The following SPSB4 variants were observed in gnomAD, a reference collection of about 807,000 sequenced individuals.
The protein encoded by SPSB4 is SPRY domain-containing SOCS box protein 4.
A neutral mutation model predicts 20.9 loss-of-function variants in SPSB4; 21 were observed. The observed-to-expected ratio is 1.01, with a 90% CI of 0.71 to 1.45. The LOEUF (loss-of-function observed/expected upper bound fraction) is 1.45, where lower values mean the gene tolerates loss of function less well. SPSB4 is among the 40% of genes most tolerant of loss of function. SPSB4 has a pLI of 0.00. For missense variants in SPSB4, 399 were observed against 399.2 expected (o/e 1.00, Z 0.00); for synonymous variants, 207 against 183.8 (o/e 1.13, Z -1.02).
chr3:141,107,483 C>T (rs964388949), intron 2 of SPSB4, among the ~76,000 whole-genome samples: 2 of 152,176 alleles, frequency 1.3e-5, no homozygotes, highest in African/African-American at 4.8e-5. Flanking sequence ...CCATCCAGGG[C>T]AAGGACAGTA....
At chr3:141,112,206 C>T (rs1403077823) in intron 2 of SPSB4, among the ~76,000 whole-genome samples, 1 of 152,154 alleles carries the variant, frequency 6.6e-6, no homozygotes, top group East Asian at 1.9e-4. Context: ...ATGAAGATGC[C>T]AAGGGTTGTT....
chr3:141,142,229 T>C (rs978973332), intron 2 of SPSB4, among the ~76,000 whole-genome samples: 1 of 152,344 alleles, frequency 6.6e-6, no homozygotes, highest in South Asian at 2.1e-4. Flanking sequence ...AAGAGGTTTT[T>C]GTAAGTTGTG....
rs577061654 is a variant in SPSB4, at chr3:141,130,058, C to A, written c.695-17084C>A. Among the ~76,000 whole-genome samples the A allele has an allele frequency of 3.3e-5, 5 of 152,326 alleles. No individual in the cohort carries two copies. The South Asian group carries it at 8.3e-4, about 25-fold the overall frequency. ...CAGAAAACGCTCCAAATTCCAAATG[C>A]TTCCTAGATGGGAGCTGAGGTCTCT... On this transcript the variant is annotated intron_variant, in intron 2 of 2. Coordinates refer to ENST00000310546, the MANE Select transcript of SPSB4 (RefSeq NM_080862.3).
intron 1 of SPSB4, among the ~76,000 whole-genome samples, chr3:141,056,489 A>T (rs570386854): frequency 6.6e-6 from 1 of 152,272 alleles, no homozygotes; most frequent in South Asian, 2.1e-4. Context: ...TAACAGAGGG[A>T]TCTTCAGAAA....
intron 2 of SPSB4, among the ~76,000 whole-genome samples, chr3:141,121,201 G>A (rs1372288763): frequency 6.6e-6 from 1 of 152,120 alleles, no homozygotes; most frequent in Non-Finnish European, 1.5e-5. Context: ...GAAATTCTGG[G>A]TTGAAAATTC....
Position 141,066,036 on chromosome 3 carries a change from T to A in SPSB4, c.-69T>A. The A allele has an allele frequency of 7.4e-7, 1 of 1,353,450 alleles. No individual in the cohort carries two copies. Among genetic ancestry groups the A allele is most frequent in the Non-Finnish European group, 9.6e-7 (1 of 1,037,296 alleles). 83.8% of individuals were successfully genotyped at this position (1,353,450 alleles called of 1,614,324 possible). Reference sequence around the variant, plus strand: ...GGTTCCCAGCCCCGTGGCCCATTCCTGGCTACGGGGAGTGGAGGCTCCCAC... The same window carrying A: ...GGTTCCCAGCCCCGTGGCCCATTCCAGGCTACGGGGAGTGGAGGCTCCCAC... On this transcript the variant is annotated 5_prime_UTR_variant, in exon 2 of 3. Coordinates refer to ENST00000310546, the MANE Select transcript of SPSB4 (RefSeq NM_080862.3).
intron 1 of SPSB4, among the ~76,000 whole-genome samples, chr3:141,052,861 A>T (rs764940115): frequency 1.3e-5 from 2 of 152,222 alleles, no homozygotes; most frequent in Non-Finnish European, 2.9e-5. Flanking sequence ...AGGGGCTCCA[A>T]GCCAGAAGGG....
Position 141,131,947 on chromosome 3 carries a change from A to G in SPSB4, c.695-15195A>G, listed in dbSNP as rs144743720. 6.6e-5 allele frequency among the ~76,000 whole-genome samples: 10 copies of G among 152,310 alleles called. No homozygotes were observed. The East Asian group carries it at 1.5e-3, about 23-fold the overall frequency. ...ATTGTGAGCATTCTGGTTGCTCTAC[A>G]TCCTCATCAGCACTTAATACTATCT... On this transcript the variant is annotated intron_variant, in intron 2 of 2. Transcript: ENST00000310546.
intron 2 of SPSB4, among the ~76,000 whole-genome samples, chr3:141,106,877 A>T (rs911818400): frequency 2.0e-5 from 3 of 151,998 alleles, no homozygotes; most frequent in East Asian, 1.9e-4. Context: ...ACAGACCACC[A>T]CTCCTGAGCC....
chr3:141,075,747 A>G (rs1938092683), intron 2 of SPSB4, among the ~76,000 whole-genome samples: 1 of 152,108 alleles, frequency 6.6e-6, no homozygotes, highest in Non-Finnish European at 1.5e-5. Flanking sequence ...CCCGCAGCCA[A>G]GCTAAAATGC....
At chr3:141,058,201 T>A (rs1937694194) in intron 1 of SPSB4, among the ~76,000 whole-genome samples, 1 of 151,906 alleles carries the variant, frequency 6.6e-6, no homozygotes, top group Admixed American at 6.6e-5. Context: ...GTCCCAGGCC[T>A]CTGAAGACTG....
chr3:141,057,606 G>A lies in SPSB4; in HGVS notation c.-154+5614G>A, dbSNP rs547263523. ...CCCTGCTCCCAAGTTGCCCCAGTCC[G>A]ATGGGAGGGAGGCAGCCAAAGAGAC... On this transcript the variant is annotated intron_variant, in intron 1 of 2. Coordinates refer to ENST00000310546, the MANE Select transcript of SPSB4 (RefSeq NM_080862.3). Among the ~76,000 whole-genome samples, 10 of 152,318 alleles carry A rather than the reference G, an allele frequency of 6.6e-5. No individual in the cohort carries two copies. In the East Asian group the frequency reaches 9.7e-4, roughly 15 times the overall value.
chr3:141,085,112 G>A (rs1938315428), intron 2 of SPSB4, among the ~76,000 whole-genome samples: 1 of 152,170 alleles, frequency 6.6e-6, no homozygotes, highest in Non-Finnish European at 1.5e-5. Context: ...GCAGAAGGGT[G>A]CTTCAGATAG....
At chr3:141,083,650 C>G (rs1178865708) in intron 2 of SPSB4, among the ~76,000 whole-genome samples, 4 of 152,122 alleles carry the variant, frequency 2.6e-5, no homozygotes, top group Non-Finnish European at 5.9e-5. Context: ...TGCTGGCCCA[C>G]TTCTCCACCT....
At chr3:141,062,996 G>A (rs1002463811) in intron 1 of SPSB4, among the ~76,000 whole-genome samples, 3 of 152,176 alleles carry the variant, frequency 2.0e-5, no homozygotes, top group Non-Finnish European at 4.4e-5. Flanking sequence ...TGCCTCTGAT[G>A]TGTGTCTGTC....
At chr3:141,104,686 C>G (rs1576532333) in intron 2 of SPSB4, among the ~76,000 whole-genome samples, 1 of 152,208 alleles carries the variant, frequency 6.6e-6, no homozygotes, top group African/African-American at 2.4e-5. Context: ...CCTGCCAGGG[C>G]GTCCTGGGAG....
chr3:141,102,892 G>T (rs1310975746), intron 2 of SPSB4, among the ~76,000 whole-genome samples: 2 of 152,134 alleles, frequency 1.3e-5, no homozygotes, highest in Non-Finnish European at 2.9e-5. Context: ...AGCCAAGCCT[G>T]CCCATGAGGA....
intron 2 of SPSB4, among the ~76,000 whole-genome samples, chr3:141,117,620 A>G (rs1388209122): frequency 6.6e-6 from 1 of 152,162 alleles, no homozygotes; most frequent in Non-Finnish European, 1.5e-5. Context: ...CATCTACATT[A>G]GGTATTTCTC....
chr3:141,085,712 G>A (rs1938325787), intron 2 of SPSB4, among the ~76,000 whole-genome samples: 1 of 152,246 alleles, frequency 6.6e-6, no homozygotes, highest in African/African-American at 2.4e-5. Flanking sequence ...TCTTACGTCT[G>A]TGGGAAAGAA....
Sources: gnomAD v4.1 joint callset for allele counts (sites outside exome capture counted in the v4.1 genomes callset) on GRCh38, gnomAD v4.1.1 for gene constraint, MANE v1.5 for transcripts, NCBI Gene and HGNC (gene_info 2026-07-23, HGNC 2026-07-21) for gene names.